PRKN: variants seen among roughly 807,000 people sequenced by gnomAD.
PRKN encodes the protein E3 ubiquitin-protein ligase parkin.
In PRKN, 56 loss-of-function variants were observed where a neutral mutation model predicts 59.5. That is an observed-to-expected ratio of 0.94 (90% confidence interval 0.76 to 1.18). The LOEUF is 1.18. PRKN is among the 50% of genes most tolerant of loss of function. PRKN has a pLI of 0.00. For synonymous variants in PRKN, 250 were observed against 222.1 expected (o/e 1.13, Z -1.12); for missense variants, 657 against 596.4 (o/e 1.10, Z -1.06).
At chr6:162,310,760 T>TTA (rs1554298443) in intron 2 of PRKN, among the ~76,000 whole-genome samples, 2,421 of 143,020 alleles carry the variant, frequency 0.017, 76 homozygotes, top group African/African-American at 0.065. Context: ...TATATATATA[T>TTA]AAAAAAAAGC....
chr6:162,463,292 A>G (rs955584977), intron 1 of PRKN, among the ~76,000 whole-genome samples: 2 of 152,170 alleles, frequency 1.3e-5, no homozygotes, highest in Non-Finnish European at 2.9e-5. Flanking sequence ...TTCCAAGCAC[A>G]AAGTTTTGCA....
At chr6:162,302,518 G>A (rs1782006302) in intron 2 of PRKN, among the ~76,000 whole-genome samples, 1 of 152,104 alleles carries the variant, frequency 6.6e-6, no homozygotes, top group African/African-American at 2.4e-5. Flanking sequence ...GGCACGGAAT[G>A]CAGGCAGGTG....
intron 1 of PRKN, among the ~76,000 whole-genome samples, chr6:162,597,723 A>G (rs1008593593): frequency 2.0e-5 from 3 of 152,190 alleles, no homozygotes; most frequent in Non-Finnish European, 4.4e-5. Context: ...AATCTTGATC[A>G]CTATTCAGTA....
chr6:162,405,512 C>T (rs767724913), intron 2 of PRKN, among the ~76,000 whole-genome samples: 5 of 152,154 alleles, frequency 3.3e-5, no homozygotes, highest in Non-Finnish European at 5.9e-5. Flanking sequence ...GATGGGAATG[C>T]AGATGCCAGG....
intron 6 of PRKN, among the ~76,000 whole-genome samples, chr6:161,904,567 G>A (rs557470229): frequency 8.8e-4 from 134 of 152,054 alleles, no homozygotes; most frequent in African/African-American, 3.2e-3. Context: ...TGCCTGCCTC[G>A]GCCTCCCAAA....
chr6:161,434,720 A>C (rs1788803438), intron 9 of PRKN, among the ~76,000 whole-genome samples: 2 of 152,300 alleles, frequency 1.3e-5, no homozygotes, highest in South Asian at 4.1e-4. Context: ...ATTATAGCTG[A>C]AGCAGGGAAA....
intron 7 of PRKN, among the ~76,000 whole-genome samples, chr6:161,570,124 T>TAAAAAAAAAAAAAAAAAAAAAAA (rs55699586): frequency 3.9e-5 from 2 of 51,418 alleles, no homozygotes; most frequent in Admixed American, 2.8e-4. Context: ...AGTAAATAGG[T>TAAAAAAAAAAAAAAAAAAAAAAA]AAAAAAAAAA....
intron 6 of PRKN, among the ~76,000 whole-genome samples, chr6:161,834,272 C>T (rs772494861): frequency 4.6e-5 from 7 of 152,088 alleles, no homozygotes. Context: ...GCCAAATAAT[C>T]CCCCTCCAGA....
At chr6:161,840,483 G>GTGCA (rs1252533630) in intron 6 of PRKN, among the ~76,000 whole-genome samples, 1 of 152,186 alleles carries the variant, frequency 6.6e-6, no homozygotes, top group East Asian at 1.9e-4. Context: ...TGTGCAGGAT[G>GTGCA]TGCAGGTTTG....
intron 3 of PRKN, among the ~76,000 whole-genome samples, chr6:162,210,163 C>T (rs1188381089): frequency 2.1e-5 from 3 of 141,628 alleles, no homozygotes; most frequent in African/African-American, 7.7e-5. Context: ...GAGCCATGAC[C>T]TCTTTGTCAA....
At chr6:162,483,815 G>A (rs1243574560) in intron 1 of PRKN, among the ~76,000 whole-genome samples, 1 of 152,178 alleles carries the variant, frequency 6.6e-6, no homozygotes, top group African/African-American at 2.4e-5. Context: ...AAGATGATGT[G>A]TCTATAAAAC....
chr6:162,596,438 T>C (rs928578529), intron 1 of PRKN, among the ~76,000 whole-genome samples: 1 of 152,226 alleles, frequency 6.6e-6, no homozygotes, highest in Non-Finnish European at 1.5e-5. Context: ...ATATTTACTA[T>C]AATTTGATAA....
chr6:162,162,672 A>T (rs1782808596), intron 4 of PRKN, among the ~76,000 whole-genome samples: 1 of 152,200 alleles, frequency 6.6e-6, no homozygotes. Context: ...CAAAACAAGC[A>T]AGAATGCAAA....
At chr6:161,590,701 C>T (rs1781688109) in intron 7 of PRKN, among the ~76,000 whole-genome samples, 1 of 151,378 alleles carries the variant, frequency 6.6e-6, no homozygotes, top group South Asian at 2.1e-4. Flanking sequence ...CCACTGCACT[C>T]CAGCCTGGGT....
chr6:161,634,139 G>T (rs560218818), intron 7 of PRKN, among the ~76,000 whole-genome samples: 5 of 152,194 alleles, frequency 3.3e-5, no homozygotes, highest in Non-Finnish European at 7.3e-5. Flanking sequence ...AGGTGAGTCA[G>T]AACGGAGAAA....
intron 1 of PRKN, among the ~76,000 whole-genome samples, chr6:162,572,340 A>T (rs933266008): frequency 2.0e-5 from 3 of 152,208 alleles, no homozygotes. Flanking sequence ...CTCGTGAAAA[A>T]GAATTTATGG....
chr6:161,453,428 C>T (rs1201672828), intron 9 of PRKN, among the ~76,000 whole-genome samples: 1 of 152,052 alleles, frequency 6.6e-6, no homozygotes, highest in East Asian at 1.9e-4. Flanking sequence ...GTTTTTTAAC[C>T]AAACATTACT....
chr6:162,289,222 T>C (rs1186241524), intron 2 of PRKN, among the ~76,000 whole-genome samples: 1 of 152,138 alleles, frequency 6.6e-6, no homozygotes, highest in African/African-American at 2.4e-5. Context: ...GATATCCACC[T>C]TCCCCTTGTG....
intron 6 of PRKN, among the ~76,000 whole-genome samples, chr6:161,800,377 T>C (rs1348835509): frequency 6.6e-6 from 1 of 152,236 alleles, no homozygotes; most frequent in Non-Finnish European, 1.5e-5. Context: ...TTCATGGTTC[T>C]AAAAGTCACA....
Sources: allele counts gnomAD v4.1 joint callset (sites outside exome capture counted in the v4.1 genomes callset), GRCh38; gene constraint gnomAD v4.1.1; transcripts MANE v1.5; gene names NCBI Gene and HGNC (gene_info 2026-07-23, HGNC 2026-07-21).